TAFA5: variants seen among roughly 807,000 people sequenced by gnomAD.
TAFA5 encodes the protein TAFA chemokine like family member 5, also known as chemokine-like protein TAFA-5.
In TAFA5, 6 loss-of-function variants were observed where a neutral mutation model predicts 15.3. The ratio of observed to expected loss-of-function variants is 0.39; its 90% CI spans 0.21 to 0.77. The LOEUF is 0.77. Among genes scored for constraint, TAFA5 ranks in the 30% least tolerant of loss-of-function variants. The pLI is 0.41. For synonymous variants in TAFA5, 103 were observed against 80.7 expected, an observed-to-expected ratio of 1.28 and a Z score of -1.48; for missense variants, 161 against 193.1, an observed-to-expected ratio of 0.83 and a Z score of 0.98.
At chr22:48,601,619 G>A (rs980479943) in intron 1 of TAFA5, among the ~76,000 whole-genome samples, 3 of 152,118 alleles carry the variant, frequency 2.0e-5, no homozygotes, top group Non-Finnish European at 2.9e-5. Flanking sequence ...GAGCCACCAC[G>A]CCCAGCCCCT....
chr22:48,697,865 A>G (rs570573987), intron 2 of TAFA5, among the ~76,000 whole-genome samples: 1 of 151,348 alleles, frequency 6.6e-6, no homozygotes, highest in African/African-American at 2.4e-5. Flanking sequence ...GGTTATGATG[A>G]TGATGGTGAT....
chr22:48,501,722 G>A (rs1920953101), intron 1 of TAFA5, among the ~76,000 whole-genome samples: 2 of 152,162 alleles, frequency 1.3e-5, no homozygotes, highest in African/African-American at 2.4e-5. Flanking sequence ...CTCCTTTCCT[G>A]TCCCCTGGAG....
At position 48,564,273 on chromosome 22, in the gene TAFA5, C is replaced by T. The variant is rs114655895; in HGVS notation, c.112+74569C>T. Among the ~76,000 whole-genome samples the T allele has an allele frequency of 2.8e-3, 433 of 152,354 alleles. 3 individuals are homozygous for T. Among genetic ancestry groups the T allele is most frequent in the African/African-American group, 0.01 (419 of 41,584 alleles). On this transcript the variant is annotated intron_variant, in intron 1 of 3. Coordinates refer to ENST00000402357, the MANE Select transcript of TAFA5 (RefSeq NM_001082967.3). The stretch of plus-strand genomic sequence containing the variant: ...CGGAACAGGGACGCTCCAGGTTGCG[C>T]GGATGGGAGGCCTAGGCCTGGGCAA...
At chr22:48,695,973 G>A (rs1053432537) in intron 2 of TAFA5, among the ~76,000 whole-genome samples, 11 of 152,302 alleles carry the variant, frequency 7.2e-5, no homozygotes, top group Middle Eastern at 3.4e-3. Flanking sequence ...GTCAGCACTC[G>A]AGAGCATATA....
At chr22:48,641,363 T>C (rs892856962) in intron 1 of TAFA5, among the ~76,000 whole-genome samples, 6 of 152,164 alleles carry the variant, frequency 3.9e-5, no homozygotes, top group Non-Finnish European at 7.4e-5. Context: ...TGGGGATGTG[T>C]TCCGGGAGGG....
Position 48,619,750 on chromosome 22 carries a change from C to A in TAFA5, c.113-26847C>A, listed in dbSNP as rs529213025. Among the ~76,000 whole-genome samples the A allele has an allele frequency of 2.0e-5, 3 of 152,234 alleles. 1 individual carries two copies. Among genetic ancestry groups the A allele is most frequent in the East Asian group, 3.9e-4 (2 of 5,188 alleles). On this transcript the variant is annotated intron_variant, in intron 1 of 3. Transcript: ENST00000402357. ...GCAGCATGGGCGTCACGCTGCCTGC[C>A]GGGCAGAGCCCTTTGCCCCACCTGA...
At chr22:48,713,334 C>T (rs1200553281) in intron 3 of TAFA5, among the ~76,000 whole-genome samples, 1 of 152,246 alleles carries the variant, frequency 6.6e-6, no homozygotes, top group African/African-American at 2.4e-5. Flanking sequence ...TCCACCCCGG[C>T]CAGGCATCCC....
At chr22:48,606,712 A>T (rs1490437250) in intron 1 of TAFA5, among the ~76,000 whole-genome samples, 1 of 152,150 alleles carries the variant, frequency 6.6e-6, no homozygotes, top group Non-Finnish European at 1.5e-5. Flanking sequence ...TGGATTAGCG[A>T]TCGCTGCTTA....
intron 1 of TAFA5, among the ~76,000 whole-genome samples, chr22:48,583,549 A>G (rs1472520264): frequency 6.9e-6 from 1 of 144,280 alleles, no homozygotes; most frequent in Non-Finnish European, 1.5e-5. Flanking sequence ...CACATACAAA[A>G]TACACCACAC....
intron 1 of TAFA5, among the ~76,000 whole-genome samples, chr22:48,638,763 ACCCCCCCCATC>A (rs200149395): frequency 1.5e-3 from 61 of 41,832 alleles, no homozygotes; most frequent in East Asian, 2.7e-3. Flanking sequence ...CACAGGCGGG[ACCCCCCCCATC>A]CCCCGACACT....
chr22:48,570,583 C>G (rs775876624), intron 1 of TAFA5, among the ~76,000 whole-genome samples: 10 of 152,190 alleles, frequency 6.6e-5, no homozygotes, highest in Non-Finnish European at 1.2e-4. Context: ...AATTTTACTT[C>G]TTAATTCATC....
chr22:48,623,061 G>A (rs1925895529), intron 1 of TAFA5, among the ~76,000 whole-genome samples: 1 of 152,236 alleles, frequency 6.6e-6, no homozygotes, highest in South Asian at 2.1e-4. Flanking sequence ...AGAAGAGGGC[G>A]AGCTCGGCCC....
rs115192397 is a variant in TAFA5 at position 48,544,509 on chromosome 22, C to G, written c.112+54805C>G. 1,319 of 367,664 alleles carry G rather than the reference C, an allele frequency of 3.6e-3. 19 individuals are homozygous for G. The highest frequency in any genetic ancestry group is 0.019 in the South Asian group (943 of 50,268). The allele number at this position is 367,664 out of a possible 1,614,324, so 22.8% of individuals were successfully genotyped here. A position where few individuals can be genotyped will look rare whatever the true frequency, so the allele number is the denominator to read the frequency against. ...GCAGACCTCTGCACCACATGCTAAT[C>G]TGGGCTTTTTTCAAATGAGCTGCAG... On this transcript the variant is annotated intron_variant, in intron 1 of 3. Coordinates refer to ENST00000402357, the MANE Select transcript of TAFA5 (RefSeq NM_001082967.3).
At chr22:48,735,563 G>A (rs925342268) in intron 3 of TAFA5, among the ~76,000 whole-genome samples, 4 of 152,202 alleles carry the variant, frequency 2.6e-5, no homozygotes, top group Admixed American at 2.0e-4. Context: ...CTGACTTAAA[G>A]GATGCTAATA....
chr22:48,734,092 T>G (rs569304273), intron 3 of TAFA5, among the ~76,000 whole-genome samples: 1 of 152,334 alleles, frequency 6.6e-6, no homozygotes, highest in African/African-American at 2.4e-5. Flanking sequence ...CAAGCACATG[T>G]GTTTCAAACT....
At chr22:48,739,472 A>G (rs1409860120) in intron 3 of TAFA5, among the ~76,000 whole-genome samples, 2 of 152,120 alleles carry the variant, frequency 1.3e-5, no homozygotes, top group African/African-American at 2.4e-5. Context: ...GAAGGGCTGC[A>G]TAGCGAATGC....
intron 2 of TAFA5, among the ~76,000 whole-genome samples, chr22:48,703,783 G>A (rs1432293434): frequency 6.6e-6 from 1 of 152,218 alleles, no homozygotes; most frequent in East Asian, 1.9e-4. Context: ...CTGCAGGCAG[G>A]TCAGGACCTG....
chr22:48,724,669 GC>G (rs112415770), intron 3 of TAFA5, among the ~76,000 whole-genome samples: 2,595 of 152,372 alleles, frequency 0.017, 82 homozygotes, highest in African/African-American at 0.06. Context: ...AGGAGTGGAA[GC>G]CCGTGCCTTA....
At chr22:48,541,463 C>A (rs1922369919) in intron 1 of TAFA5, among the ~76,000 whole-genome samples, 1 of 152,192 alleles carries the variant, frequency 6.6e-6, no homozygotes, top group Admixed American at 6.5e-5. Flanking sequence ...TTGTTTCATT[C>A]TTTGTGGAGT....
Sources: allele counts gnomAD v4.1 joint callset (sites outside exome capture counted in the v4.1 genomes callset), GRCh38; gene constraint gnomAD v4.1.1; transcripts MANE v1.5; gene names NCBI Gene and HGNC (gene_info 2026-07-23, HGNC 2026-07-21).